The following SLC16A7 variants were observed in gnomAD, a reference collection of about 807,000 sequenced individuals.
SLC16A7 encodes solute carrier family 16 member 7.
SLC16A7 carries 33 observed loss-of-function variants against 34.9 expected under a neutral mutation model. The ratio of observed to expected loss-of-function variants is 0.94; its 90% CI spans 0.72 to 1.26. SLC16A7 has a LOEUF of 1.26. Among genes scored for constraint, SLC16A7 ranks in the 50% most tolerant of loss-of-function variants. The pLI, the probability that SLC16A7 is intolerant of heterozygous loss-of-function variation, is 0.00. For synonymous variants in SLC16A7, 201 were observed against 206.6 expected (o/e 0.97, Z 0.23); for missense variants, 573 against 578.1 (o/e 0.99, Z 0.09).
At chr12:59,653,797 C>T (rs1411383490) in intron 1 of SLC16A7, among the ~76,000 whole-genome samples, 2 of 151,592 alleles carry the variant, frequency 1.3e-5, no homozygotes, top group Non-Finnish European at 3.0e-5. Context: ...CTGGTTAAAT[C>T]GCGTAACATT....
At chr12:59,639,861 TCTCAC>T (rs1247864305) in intron 1 of SLC16A7, among the ~76,000 whole-genome samples, 9 of 152,296 alleles carry the variant, frequency 5.9e-5, no homozygotes, top group African/African-American at 2.2e-4. Context: ...AAGGGCTCAA[TCTCAC>T]AATACGTTTC....
chr12:59,657,885 ACC>A (rs980789179), intron 2 of SLC16A7, among the ~76,000 whole-genome samples: 1 of 151,914 alleles, frequency 6.6e-6, no homozygotes, highest in Non-Finnish European at 1.5e-5. Context: ...CTTTCTAGCT[ACC>A]CACACACAAA....
intron 2 of SLC16A7, among the ~76,000 whole-genome samples, chr12:59,658,916 A>C (rs1433077973): frequency 6.6e-6 from 1 of 152,064 alleles, no homozygotes; most frequent in Admixed American, 6.6e-5. Flanking sequence ...CAAATTTGCT[A>C]ATGTGTCTAT....
rs763658818 is a variant in SLC16A7 at position 59,780,054 on chromosome 12, AC to A, written c.*378del. The A allele has an allele frequency of 8.2e-5, 14 of 170,878 alleles. No individual in the cohort carries two copies. Among genetic ancestry groups the A allele is most frequent in the Non-Finnish European group, 1.8e-4 (14 of 78,850 alleles). 10.6% of individuals were successfully genotyped at this position (170,878 alleles called of 1,614,324 possible). On this transcript the variant is annotated 3_prime_UTR_variant, in exon 6 of 6. Coordinates refer to ENST00000547379, the MANE Select transcript of SLC16A7 (RefSeq NM_001270623.2). The stretch of plus-strand genomic sequence containing the variant: ...GGAGGATGCCTAATCCTACAAAGTG[AC>A]CCTTTATACATTTCATTTTTTATTT...
intron 3 of SLC16A7, among the ~76,000 whole-genome samples, chr12:59,718,681 G>A (rs1285154846): frequency 2.6e-5 from 4 of 152,128 alleles, no homozygotes; most frequent in Non-Finnish European, 4.4e-5. Flanking sequence ...ATAACATTGA[G>A]CTTATTTAAG....
intron 3 of SLC16A7, among the ~76,000 whole-genome samples, chr12:59,751,640 C>A (rs1879578131): frequency 6.6e-6 from 1 of 152,244 alleles, no homozygotes; most frequent in Non-Finnish European, 1.5e-5. Context: ...CTCAAGGAAG[C>A]CTGCCTGCCT....
At chr12:59,757,282 AAAG>A (rs995149937) in intron 3 of SLC16A7, among the ~76,000 whole-genome samples, 10 of 146,916 alleles carry the variant, frequency 6.8e-5, no homozygotes, top group Non-Finnish European at 9.0e-5. Context: ...TAAAATAAAA[AAAG>A]AAGAAATACC....
At chr12:59,609,357 T>C (rs1879088748) in intron 1 of SLC16A7, among the ~76,000 whole-genome samples, 1 of 152,240 alleles carries the variant, frequency 6.6e-6, no homozygotes, top group African/African-American at 2.4e-5. Flanking sequence ...TCTTCCTTTC[T>C]GCAATATGAG....
chr12:59,668,455 C>T (rs755479978), intron 2 of SLC16A7, among the ~76,000 whole-genome samples: 18 of 152,112 alleles, frequency 1.2e-4, no homozygotes, highest in Non-Finnish European at 1.5e-4. Flanking sequence ...TAATGACTGC[C>T]GTATTGGATT....
At chr12:59,719,416 TG>T (rs1261730855) in intron 3 of SLC16A7, among the ~76,000 whole-genome samples, 1 of 151,696 alleles carries the variant, frequency 6.6e-6, no homozygotes, top group African/African-American at 2.4e-5. Context: ...GACAGAAAAA[TG>T]GGGCCCAAGA....
intron 2 of SLC16A7, among the ~76,000 whole-genome samples, chr12:59,702,789 G>A (rs1284859190): frequency 6.6e-6 from 1 of 151,888 alleles, no homozygotes; most frequent in African/African-American, 2.4e-5. Context: ...AAAATGCCGA[G>A]GATTTTTTTG....
chr12:59,716,681 C>T (rs558618571), intron 3 of SLC16A7, among the ~76,000 whole-genome samples: 2 of 152,036 alleles, frequency 1.3e-5, no homozygotes, highest in Non-Finnish European at 2.9e-5. Context: ...AACCCTGCCT[C>T]TACCCAAAAT....
chr12:59,658,248 T>C (rs1330525469), intron 2 of SLC16A7, among the ~76,000 whole-genome samples: 6 of 152,152 alleles, frequency 3.9e-5, no homozygotes, highest in Middle Eastern at 6.8e-3. Flanking sequence ...CCTTTGATTT[T>C]CATTTTACAG....
At chr12:59,667,486 C>T (rs1350696797) in intron 2 of SLC16A7, among the ~76,000 whole-genome samples, 1 of 152,154 alleles carries the variant, frequency 6.6e-6, no homozygotes, top group Non-Finnish European at 1.5e-5. Context: ...AAAGATTACT[C>T]TTGTTATGCA....
At chr12:59,738,776 T>G (rs906068822) in intron 3 of SLC16A7, among the ~76,000 whole-genome samples, 1 of 151,866 alleles carries the variant, frequency 6.6e-6, no homozygotes, top group Admixed American at 6.6e-5. Context: ...CAAAAGAATC[T>G]CTTGAGGATA....
intron 3 of SLC16A7, among the ~76,000 whole-genome samples, chr12:59,720,582 G>A (rs368272177): frequency 2.0e-5 from 3 of 151,972 alleles, no homozygotes; most frequent in African/African-American, 7.3e-5. Flanking sequence ...ATTGAGAAAA[G>A]GGAATGAATT....
chr12:59,599,387 C>T (rs1283280665), intron 1 of SLC16A7, among the ~76,000 whole-genome samples: 1 of 152,084 alleles, frequency 6.6e-6, no homozygotes, highest in Admixed American at 6.5e-5. Flanking sequence ...GTTTATGATG[C>T]TCATTTATGC....
chr12:59,650,608 A>G (rs1868326743), intron 1 of SLC16A7, among the ~76,000 whole-genome samples: 2 of 152,176 alleles, frequency 1.3e-5, no homozygotes, highest in Admixed American at 1.3e-4. Flanking sequence ...ATGAGGTCAT[A>G]CTTATACTGA....
chr12:59,619,772 T>C (rs1176347124), intron 1 of SLC16A7, among the ~76,000 whole-genome samples: 2 of 151,996 alleles, frequency 1.3e-5, no homozygotes, highest in Non-Finnish European at 2.9e-5. Context: ...AGGAGAAGAA[T>C]GGGACATATG....
Sources: allele counts gnomAD v4.1 joint callset (sites outside exome capture counted in the v4.1 genomes callset), GRCh38; gene constraint gnomAD v4.1.1; transcripts MANE v1.5; gene names NCBI Gene and HGNC (gene_info 2026-07-23, HGNC 2026-07-21).